The following HERC2 variants were observed in gnomAD, a reference collection of about 807,000 sequenced individuals.
HERC2 encodes HECT and RLD domain containing E3 ubiquitin protein ligase 2.
HERC2 carries 102 observed loss-of-function variants against 537.7 expected under a neutral mutation model. The observed-to-expected ratio is 0.19, with a 90% confidence interval of 0.16 to 0.22. HERC2 has a LOEUF of 0.22. Ranked by LOEUF, HERC2 falls within the 10% of genes least tolerant of loss-of-function variation. The pLI is 1.00. For synonymous variants in HERC2, 2,224 were observed against 2,466.2 expected (o/e 0.90, Z 2.91); for missense variants, 4,236 against 6,198.2 (o/e 0.68, Z 10.63).
Position 28,111,728 on chromosome 15 carries a change from C to T in HERC2, c.*35G>A. 1.2e-6 allele frequency: 2 copies of T among 1,606,522 alleles called. No individual in the cohort carries two copies. The highest frequency in any genetic ancestry group is 1.7e-6 in the Non-Finnish European group (2 of 1,174,480). On this transcript the variant is annotated 3_prime_UTR_variant, in exon 93 of 93. Transcript: ENST00000261609. Reference sequence around the variant, plus strand: ...CAGCAGCGAGCGCTCTGCTGCCTGGCTCAGGCTCTCATCTCACGAGGACGT... The same window carrying T: ...CAGCAGCGAGCGCTCTGCTGCCTGGTTCAGGCTCTCATCTCACGAGGACGT...
chr15:28,207,735 T>C (rs1305933732), intron 44 of HERC2, among the ~76,000 whole-genome samples: 4 of 152,058 alleles, frequency 2.6e-5, no homozygotes, highest in African/African-American at 4.8e-5. Context: ...CTGGTTTTCT[T>C]CAGTGACAAT....
chr15:28,158,042 A>C (rs925105073), intron 69 of HERC2, among the ~76,000 whole-genome samples: 11 of 152,094 alleles, frequency 7.2e-5, no homozygotes, highest in Non-Finnish European at 4.4e-5. Flanking sequence ...GTAGTTGAGC[A>C]GTTTTGAGTG....
At chr15:28,193,427 G>A (rs1278397378) in intron 52 of HERC2, among the ~76,000 whole-genome samples, 1 of 152,190 alleles carries the variant, frequency 6.6e-6, no homozygotes, top group African/African-American at 2.4e-5. Flanking sequence ...ATGAAGAACT[G>A]AGGAACAAAA....
chr15:28,246,304 A>G (rs1408772437), intron 22 of HERC2, among the ~76,000 whole-genome samples: 3 of 152,186 alleles, frequency 2.0e-5, no homozygotes, highest in Non-Finnish European at 4.4e-5. Context: ...CTATGAACTA[A>G]GAGTCTTCTA....
chr15:28,204,616 CAAAAA>C (rs55840834), intron 45 of HERC2, among the ~76,000 whole-genome samples: 2 of 51,260 alleles, frequency 3.9e-5, no homozygotes, highest in Non-Finnish European at 7.7e-5. Context: ...GAGACTCCGT[CAAAAA>C]AAAAAAAAAA....
intron 87 of HERC2, 45 bp from the exon 88 acceptor site, chr15:28,116,904 G>C (rs965520448): frequency 9.9e-6 from 16 of 1,608,346 alleles, no homozygotes; most frequent in Non-Finnish European, 1.3e-5. Flanking sequence ...ACACAGTCCT[G>C]TGTAAAGAGA....
rs2075531894 is a variant in HERC2, at chr15:28,265,298, T to G, written c.1870+320A>C. Among the ~76,000 whole-genome samples, 1 of 152,152 alleles carries G rather than the reference T, an allele frequency of 6.6e-6. No individual in the cohort carries two copies. The highest frequency in any genetic ancestry group is 2.1e-4 in the South Asian group (1 of 4,830). ...ACTTAGCAGGAATTACCACAGGGAA[T>G]CAAGAGTGGCCGAACGTTAAGAAAT... On this transcript the variant is annotated intron_variant, in intron 14 of 92. Coordinates refer to ENST00000261609, the MANE Select transcript of HERC2 (RefSeq NM_004667.6). This position sits in a 1 kb window ranked among gnomAD's most constrained non-coding sequence, Gnocchi z 4.0.
At chr15:28,277,981 C>G in intron 5 of HERC2, among the ~76,000 whole-genome samples, 1 of 152,066 alleles carries the variant, frequency 6.6e-6, no homozygotes, top group South Asian at 2.1e-4. Context: ...CTCAGCCAGG[C>G]ACAGTGGCTC....
At chr15:28,232,263 C>T (rs1356930701) in intron 30 of HERC2, among the ~76,000 whole-genome samples, 1 of 152,142 alleles carries the variant, frequency 6.6e-6, no homozygotes, top group Non-Finnish European at 1.5e-5. Flanking sequence ...TGATCAGAGG[C>T]CAGGCGCGGT....
intron 19 of HERC2, 92 bp downstream of exon 19, chr15:28,255,780 G>T: frequency 7.4e-7 from 1 of 1,356,622 alleles, no homozygotes; most frequent in Non-Finnish European, 1.0e-6. Context: ...AAAGTTTAGA[G>T]TTTTACTGTT....
intron 2 of HERC2, among the ~76,000 whole-genome samples, chr15:28,307,867 G>A (rs1170682105): frequency 2.0e-5 from 3 of 152,106 alleles, no homozygotes; most frequent in Admixed American, 1.3e-4. Context: ...CACCGTAGAT[G>A]TGCGGATTTG....
chr15:28,198,461 T>A lies in HERC2; in HGVS notation c.7928A>T (p.Asp2643Val), dbSNP rs1429132358. ...PSSSSHIKIG[D>V]KVRVKASVTT... ...GACAGAGGCTTTGACCCGCACTTTA[T>A]CACCAATCTTGATGTGAGAAGAAGA... The change falls in exon 50 of 93, where the codon GAT becomes GTT. Residue 2643 changes from aspartate to valine, a missense_variant. Asp to Val is a radical substitution (Grantham distance 152, BLOSUM62 -3). Transcript: ENST00000261609. 15 of 1,614,026 alleles carry A rather than the reference T, an allele frequency of 9.3e-6. No individual in the cohort carries two copies. Among genetic ancestry groups the A allele is most frequent in the Non-Finnish European group, 1.3e-5 (15 of 1,179,978 alleles).
intron 35 of HERC2, among the ~76,000 whole-genome samples, chr15:28,223,657 G>C: frequency 6.6e-6 from 1 of 152,122 alleles, no homozygotes; most frequent in South Asian, 2.1e-4. Context: ...AGCAAAACTG[G>C]GGGAATTTTT....
chr15:28,220,125 G>A (rs1900366744), intron 37 of HERC2, among the ~76,000 whole-genome samples: 1 of 152,322 alleles, frequency 6.6e-6, no homozygotes, highest in Non-Finnish European at 1.5e-5. Flanking sequence ...CACTCGCTCA[G>A]ACACAGGCTC....
chr15:28,192,445 C>A (rs1186232144), intron 52 of HERC2, among the ~76,000 whole-genome samples: 3 of 152,124 alleles, frequency 2.0e-5, no homozygotes, highest in Non-Finnish European at 4.4e-5. Context: ...TCAATAACAG[C>A]ACTCACAAAA....
At chr15:28,205,140 A>G (rs1898289216) in intron 45 of HERC2, among the ~76,000 whole-genome samples, 2 of 152,214 alleles carry the variant, frequency 1.3e-5, no homozygotes, top group African/African-American at 4.8e-5. Context: ...CATTTCATGA[A>G]AAAGAAGAGA....
At chr15:28,292,019 G>T (rs1262363351) in intron 4 of HERC2, among the ~76,000 whole-genome samples, 1 of 151,306 alleles carries the variant, frequency 6.6e-6, no homozygotes, top group African/African-American at 2.4e-5. Flanking sequence ...CCTGAGGTCA[G>T]GAGTTCAAGA....
intron 3 of HERC2, among the ~76,000 whole-genome samples, chr15:28,298,282 T>A (rs1251005986): frequency 6.8e-6 from 1 of 146,538 alleles, no homozygotes; most frequent in Non-Finnish European, 1.5e-5. Context: ...CCCTCCCAAG[T>A]AGCTGGGATT....
intron 69 of HERC2, among the ~76,000 whole-genome samples, chr15:28,155,187 C>T (rs1892871606): frequency 6.6e-6 from 1 of 151,946 alleles, no homozygotes; most frequent in Non-Finnish European, 1.5e-5. Flanking sequence ...TGGGTTAGTT[C>T]CAAGTCTTTG....
Sources: gnomAD v4.1 joint callset for allele counts (sites outside exome capture counted in the v4.1 genomes callset) on GRCh38, gnomAD v4.1.1 for gene constraint, Gnocchi (gnomAD v3.1) non-coding constraint, MANE v1.5 for transcripts, NCBI Gene and HGNC (gene_info 2026-07-23, HGNC 2026-07-21) for gene names.